Variants in ZNF423 observed in about 807,000 individuals in gnomAD.
ZNF423 encodes the protein zinc finger protein 423.
Under a neutral mutation model 95.8 loss-of-function variants are expected in ZNF423, and 12 were observed. The observed-to-expected ratio is 0.13, with a 90% CI of 0.08 to 0.20. The LOEUF is 0.20. Among genes scored for constraint, ZNF423 ranks in the 10% least tolerant of loss-of-function variants. ZNF423 has a pLI of 1.00. For synonymous variants in ZNF423, 749 were observed against 711.9 expected, an observed-to-expected ratio of 1.05 and a Z score of -0.83; for missense variants, 1,316 against 1,737.1, an observed-to-expected ratio of 0.76 and a Z score of 4.31.
chr16:49,513,632 GGGATGGAT>G lies in ZNF423; in HGVS notation c.3849+9984_3849+9991del, dbSNP rs200850664. On this transcript the variant is annotated intron_variant, in intron 7 of 7. Coordinates refer to ENST00000563137, the MANE Select transcript of ZNF423 (RefSeq NM_001379286.1). The stretch of plus-strand genomic sequence containing the variant: ...CTCAAAAAATATGTTAACACATATG[GGGATGGAT>G]GGATGGATGGATGGATGGATGGATG... Among the ~76,000 whole-genome samples the G allele has an allele frequency of 3.4e-3, 464 of 135,312 alleles. 6 individuals are homozygous for G. In the East Asian group the frequency reaches 0.055, roughly 16 times the overall value. The allele number at this position is 135,312 out of a possible 152,430, so 88.8% of individuals were successfully genotyped here.
At chr16:49,717,728 G>T (rs34507845) in intron 3 of ZNF423, among the ~76,000 whole-genome samples, 42,684 of 152,070 alleles carry the variant, frequency 0.28, 6,333 homozygotes, top group South Asian at 0.36. Context: ...CTGGTCGGCA[G>T]GGAATCCCAA....
At chr16:49,621,832 G>A (rs1412110186) in intron 5 of ZNF423, among the ~76,000 whole-genome samples, 7 of 152,100 alleles carry the variant, frequency 4.6e-5, no homozygotes. Context: ...AAGCCACCAG[G>A]GCCAGCCAGA....
Position 49,489,361 on chromosome 16 carries a change from G to C in ZNF423, c.*1914C>G, listed in dbSNP as rs1464503589. The C allele has an allele frequency of 2.6e-5, 4 of 152,120 alleles. No homozygotes were observed. The highest frequency in any genetic ancestry group is 5.9e-5 in the Non-Finnish European group (4 of 68,026). The allele number at this position is 152,120 out of a possible 1,614,324, so 9.4% of individuals were successfully genotyped here. Reference sequence around the variant, plus strand: ...GGCCCCAAGCCCCAGTCCACGGGTGGGCACACTTAGAGGAACACTGGTGTC... The same window carrying C: ...GGCCCCAAGCCCCAGTCCACGGGTGCGCACACTTAGAGGAACACTGGTGTC... On this transcript the variant is annotated 3_prime_UTR_variant, in exon 8 of 8. Coordinates refer to ENST00000563137, the MANE Select transcript of ZNF423 (RefSeq NM_001379286.1).
intron 3 of ZNF423, among the ~76,000 whole-genome samples, chr16:49,715,172 G>T (rs2032665999): frequency 6.6e-6 from 1 of 152,154 alleles, no homozygotes; most frequent in Non-Finnish European, 1.5e-5. Context: ...CTCCTAAGAG[G>T]GTCACCTTCG....
At chr16:49,662,472 T>C (rs2030291109) in intron 3 of ZNF423, among the ~76,000 whole-genome samples, 1 of 152,236 alleles carries the variant, frequency 6.6e-6, no homozygotes, top group Admixed American at 6.5e-5. Flanking sequence ...CATTGCAATT[T>C]ACATTCATTT....
intron 1 of ZNF423, among the ~76,000 whole-genome samples, chr16:49,833,102 G>T (rs139970096): frequency 6.6e-6 from 1 of 152,224 alleles, no homozygotes; most frequent in Non-Finnish European, 1.5e-5. Flanking sequence ...AGCCTTACCA[G>T]GCCTGGCCCC....
chr16:49,847,923 G>A (rs1462167088), intron 1 of ZNF423, among the ~76,000 whole-genome samples: 1 of 152,054 alleles, frequency 6.6e-6, no homozygotes, highest in Non-Finnish European at 1.5e-5. Flanking sequence ...TGGCATTCAA[G>A]ACCAGCCTGG....
chr16:49,848,751 G>T (rs942645360), intron 1 of ZNF423, among the ~76,000 whole-genome samples: 5 of 152,130 alleles, frequency 3.3e-5, no homozygotes, highest in Non-Finnish European at 7.4e-5. Context: ...TTGTCTGGTG[G>T]TTCATAATAA....
intron 5 of ZNF423, among the ~76,000 whole-genome samples, chr16:49,620,434 C>A (rs1343787281): frequency 1.3e-5 from 2 of 152,264 alleles, no homozygotes; most frequent in Non-Finnish European, 2.9e-5. Context: ...ATGTATTTGC[C>A]CCTGACAGCA....
At chr16:49,782,789 C>A (rs112109499) in intron 2 of ZNF423, among the ~76,000 whole-genome samples, 8 of 152,192 alleles carry the variant, frequency 5.3e-5, no homozygotes, top group Admixed American at 1.3e-4. Flanking sequence ...TGGGAGATTC[C>A]AATGAGACTC....
chr16:49,707,887 A>C (rs535368668), intron 3 of ZNF423: 2 of 152,464 alleles, frequency 1.3e-5, no homozygotes, highest in Non-Finnish European at 1.5e-5. Context: ...ATCTTGGCTC[A>C]CCGCAACCTC....
chr16:49,563,657 C>G (rs960914998), intron 5 of ZNF423, among the ~76,000 whole-genome samples: 1 of 152,234 alleles, frequency 6.6e-6, no homozygotes. Flanking sequence ...CCCAGAGCCA[C>G]GTCTTTGGCC....
chr16:49,615,471 A>C (rs1328086109), intron 5 of ZNF423, among the ~76,000 whole-genome samples: 1 of 152,058 alleles, frequency 6.6e-6, no homozygotes, highest in Non-Finnish European at 1.5e-5. Context: ...TGGGCTGAAA[A>C]AGGCAGGGTG....
intron 2 of ZNF423, among the ~76,000 whole-genome samples, chr16:49,779,741 G>A (rs763437056): frequency 6.6e-6 from 1 of 152,146 alleles, no homozygotes; most frequent in Non-Finnish European, 1.5e-5. Context: ...CAGGACAGCG[G>A]GATCCTTGGG....
intron 5 of ZNF423, among the ~76,000 whole-genome samples, chr16:49,557,063 T>A (rs1412904192): frequency 6.6e-6 from 1 of 152,234 alleles, no homozygotes. Flanking sequence ...TGGTGCCCGC[T>A]GTCACACAAG....
At chr16:49,533,815 GTC>G (rs1365450319) in intron 5 of ZNF423, among the ~76,000 whole-genome samples, 1 of 152,184 alleles carries the variant, frequency 6.6e-6, no homozygotes, top group Admixed American at 6.5e-5. Flanking sequence ...GGAGAAGGTT[GTC>G]CACCTCACAG....
chr16:49,636,536 A>G lies in ZNF423; in HGVS notation c.2640T>C (p.His880=), dbSNP rs200880737. The change falls in exon 4 of 8, where the codon CAT becomes CAC. Residue 880 remains histidine, a synonymous_variant. Transcript: ENST00000563137. This position sits in a 1 kb window ranked among gnomAD's most constrained non-coding sequence, Gnocchi z 8.6. ...CGTCCACGTCATCCTCGCTGGCCTC[A>G]TGGCTGTTAGGTGCCTCAGGGTTCT... ...LLKNPEAPNS[H]EASEDDVDAS... is the part of the protein sequence containing the mutation. 225 of 1,613,602 alleles carry G rather than the reference A, an allele frequency of 1.4e-4. 1 individual carries two copies. Among genetic ancestry groups the G allele is most frequent in the Non-Finnish European group, 1.8e-4 (216 of 1,180,018 alleles).
intron 5 of ZNF423, among the ~76,000 whole-genome samples, chr16:49,546,455 C>T (rs1029976625): frequency 6.6e-6 from 1 of 152,182 alleles, no homozygotes; most frequent in African/African-American, 2.4e-5. Flanking sequence ...GATTTGATAA[C>T]TCACAAGGTC....
At chr16:49,514,660 C>T (rs1462584628) in intron 7 of ZNF423, among the ~76,000 whole-genome samples, 2 of 152,202 alleles carry the variant, frequency 1.3e-5, no homozygotes, top group Admixed American at 6.5e-5. Flanking sequence ...CAATTGTAAT[C>T]ATTTAGCTGG....
Sources: allele counts gnomAD v4.1 joint callset (sites outside exome capture counted in the v4.1 genomes callset), GRCh38; gene constraint gnomAD v4.1.1; non-coding constraint Gnocchi (gnomAD v3.1); transcripts MANE v1.5; gene names NCBI Gene and HGNC (gene_info 2026-07-23, HGNC 2026-07-21).